Variants in THNSL1 observed in about 807,000 individuals in gnomAD.
THNSL1 encodes the protein threonine synthase like 1, also known as threonine synthase-like 1.
Under a neutral mutation model 50.4 loss-of-function variants are expected in THNSL1, and 48 were observed. The ratio of observed to expected loss-of-function variants is 0.95; its 90% CI spans 0.76 to 1.21. The LOEUF (loss-of-function observed/expected upper bound fraction) is 1.21. THNSL1 is among the 50% of genes most tolerant of loss of function. The pLI, the probability that THNSL1 is intolerant of heterozygous loss-of-function variation, is 0.00. For synonymous variants in THNSL1, 309 were observed against 306.1 expected (o/e 1.01, Z -0.10); for missense variants, 896 against 871.7 (o/e 1.03, Z -0.35).
At chr10:24,973,731 T>C in the THNSL1 span, among the ~76,000 whole-genome samples, 7,071 of 152,182 alleles carry the variant, frequency 0.046, 425 homozygotes, top group African/African-American at 0.14. Context: ...AGGTTTTTTT[T>C]TCCTTTGATT....
the THNSL1 span, chr10:24,999,353 C>T: frequency 6.5e-7 from 1 of 1,532,450 alleles, no homozygotes; most frequent in South Asian, 1.2e-5. Flanking sequence ...ATAGTTAAAT[C>T]ACCTGCTAAT....
At chr10:25,012,228 C>CA (rs58921355), upstream of THNSL1, among the ~76,000 whole-genome samples, 9,633 of 152,298 alleles carry the variant, frequency 0.063, 837 homozygotes, top group African/African-American at 0.19. Flanking sequence ...AGATGTGCTT[C>CA]GGGGCAGAGC....
the THNSL1 span, chr10:24,990,525 C>T: frequency 6.2e-7 from 1 of 1,614,048 alleles, no homozygotes; most frequent in Middle Eastern, 1.7e-4. Context: ...TTAAGGTTTT[C>T]CTGGATATAA....
At chr10:24,966,851 T>C in the THNSL1 span, among the ~76,000 whole-genome samples, 17 of 152,210 alleles carry the variant, frequency 1.1e-4, no homozygotes, top group African/African-American at 3.6e-4. Flanking sequence ...TTATGAGGAC[T>C]GAGTTAATTT....
the THNSL1 span, among the ~76,000 whole-genome samples, chr10:24,997,819 A>ATATATG: frequency 2.9e-3 from 444 of 151,614 alleles, 9 homozygotes; most frequent in African/African-American, 9.5e-3. Flanking sequence ...ATATATATAT[A>ATATATG]TATATATGTT....
rs79027216 is a variant in THNSL1, at chr10:25,023,642, C to G, written c.419C>G (p.Ala140Gly). 6.2e-7 allele frequency: 1 copy of G among 1,614,022 alleles called. No individual in the cohort carries two copies. Among genetic ancestry groups the G allele is most frequent in the Non-Finnish European group, 8.5e-7 (1 of 1,180,020 alleles). ...ACTGGGTCCAATCCAATGCATGATG[C>G]TAGCATGTGGCATCTGAAGAAAAAT... ...SLTGSNPMHD[A>G]SMWHLKKNGI... Residue 140 changes from alanine (A) to glycine (G), a missense_variant, in exon 3 of 3, where the codon GCT becomes GGT. Coordinates refer to ENST00000376356, the MANE Select transcript of THNSL1 (RefSeq NM_024838.5).
intron 1 of THNSL1, among the ~76,000 whole-genome samples, chr10:25,019,440 C>T (rs1441226915): frequency 6.6e-6 from 1 of 152,182 alleles, no homozygotes; most frequent in Non-Finnish European, 1.5e-5. Context: ...TGCCACTGCA[C>T]TCCTGCCTGG....
chr10:24,978,380 CT>C, the THNSL1 span, among the ~76,000 whole-genome samples: 7 of 150,740 alleles, frequency 4.6e-5, 1 homozygote, highest in Admixed American at 3.3e-4. Flanking sequence ...CATGTCATTC[CT>C]TTTTTTTTAC....
At chr10:24,967,203 CAT>C in the THNSL1 span, among the ~76,000 whole-genome samples, 1 of 151,000 alleles carries the variant, frequency 6.6e-6, no homozygotes, top group East Asian at 2.0e-4. Flanking sequence ...TGTGCATGTA[CAT>C]GTGTGTGCAT....
In THNSL1 at chr10:25,024,869, A is replaced by G; in HGVS notation, c.1646A>G (p.Tyr549Cys). ...ACTGATTTTATAAAAACAGGACATT[A>G]TGATCTAAGGGAAAGAAAACTAGCA... is the stretch of plus-strand genomic sequence containing the variant. ...VLTDFIKTGH[Y>C]DLRERKLAQT... is the part of the protein sequence containing the mutation. Residue 549 changes from tyrosine to cysteine, a missense_variant, in exon 3 of 3, where the codon TAT becomes TGT. By Grantham distance (194) the Tyr-to-Cys change is radical. Coordinates refer to ENST00000376356, the MANE Select transcript of THNSL1 (RefSeq NM_024838.5). 6.2e-7 allele frequency: 1 copy of G among 1,614,080 alleles called. No homozygotes were observed. The highest frequency in any genetic ancestry group is 8.5e-7 in the Non-Finnish European group (1 of 1,180,038).
chr10:25,025,410 C>T lies in THNSL1; in HGVS notation c.2187C>T (p.Val729=), dbSNP rs896419689. ...AGGTCTGTGCAGCTGATATGAATGT[C>T]TTGAAGAGTCATGTGGAACAACTTG... ...EYQVCAADMN[V]LKSHVEQLVQ... is the part of the protein sequence containing the mutation. Residue 729 remains valine (V), a synonymous_variant, in exon 3 of 3, where the codon GTC becomes GTT. Transcript: ENST00000376356. The T allele has an allele frequency of 6.2e-6, 10 of 1,612,820 alleles. No homozygotes were observed. In the African/African-American group the frequency reaches 1.2e-4, roughly 19 times the overall value.
Position 25,023,422 on chromosome 10 carries a change from G to C in THNSL1, c.199G>C (p.Gly67Arg). ...TATCCTGATGGGACCTCCTGGTGCT[G>C]GGAAAACAACAGTAGGCAGAATAAT... is the stretch of plus-strand genomic sequence containing the variant. ...NIILMGPPGAGKTTVGRIIGQ... is the reference protein window; with the variant it reads ...NIILMGPPGARKTTVGRIIGQ... Residue 67 changes from glycine (G) to arginine (R), a missense_variant, in exon 3 of 3, where the codon GGG becomes CGG. Transcript: ENST00000376356. The C allele has an allele frequency of 6.2e-7, 1 of 1,614,082 alleles. No individual in the cohort carries two copies. Among genetic ancestry groups the C allele is most frequent in the African/African-American group, 1.3e-5 (1 of 75,024 alleles).
chr10:25,002,322 T>A, the THNSL1 span, among the ~76,000 whole-genome samples: 1 of 152,202 alleles, frequency 6.6e-6, no homozygotes, highest in Non-Finnish European at 1.5e-5. Context: ...ATTTCCACAG[T>A]CCTCTCTCTA....
At chr10:24,966,981 T>C in the THNSL1 span, among the ~76,000 whole-genome samples, 31 of 152,344 alleles carry the variant, frequency 2.0e-4, no homozygotes, top group South Asian at 5.2e-3. Context: ...TATTCATGGC[T>C]TTGAAAAGTC....
chr10:24,996,969 T>A, the THNSL1 span, among the ~76,000 whole-genome samples: 2 of 152,186 alleles, frequency 1.3e-5, no homozygotes, highest in Non-Finnish European at 2.9e-5. Flanking sequence ...AAGAGGAAAT[T>A]TGAACACAGA....
chr10:25,015,901 G>C (rs1372138934), upstream of THNSL1: 1 of 1,608,006 alleles, frequency 6.2e-7, no homozygotes, highest in Admixed American at 1.7e-5. Flanking sequence ...TGGGTATGAG[G>C]TTATAAATGC....
At chr10:25,010,004 C>T in the THNSL1 span, among the ~76,000 whole-genome samples, 1 of 152,072 alleles carries the variant, frequency 6.6e-6, no homozygotes, top group East Asian at 1.9e-4. Context: ...TGGGATGCTG[C>T]TATAAAGATA....
chr10:24,987,108 T>C, the THNSL1 span, among the ~76,000 whole-genome samples: 1 of 152,148 alleles, frequency 6.6e-6, no homozygotes, highest in Admixed American at 6.5e-5. Flanking sequence ...AGAGTGAGGT[T>C]GGGGCATTTC....
At chr10:25,006,132 A>T in the THNSL1 span, among the ~76,000 whole-genome samples, 1 of 152,172 alleles carries the variant, frequency 6.6e-6, no homozygotes, top group African/African-American at 2.4e-5. Context: ...TAGCAGGAAA[A>T]TCTATCCTTG....
Sources: allele counts gnomAD v4.1 joint callset (sites outside exome capture counted in the v4.1 genomes callset), GRCh38; gene constraint gnomAD v4.1.1; transcripts MANE v1.5; gene names NCBI Gene and HGNC (gene_info 2026-07-23, HGNC 2026-07-21).